HADH: variants seen among roughly 807,000 people sequenced by gnomAD.
The protein encoded by HADH is hydroxyacyl-coenzyme A dehydrogenase, mitochondrial.
HADH carries 24 observed loss-of-function variants against 32.2 expected under a neutral mutation model. The ratio of observed to expected loss-of-function variants is 0.75; its 90% CI spans 0.54 to 1.05. The LOEUF (loss-of-function observed/expected upper bound fraction) is 1.05, where lower values mean the gene tolerates loss of function less well. Ranked by LOEUF, HADH falls within the 50% of genes least tolerant of loss-of-function variation. The pLI is 0.00. For synonymous variants in HADH, 139 were observed against 152.5 expected (o/e 0.91, Z 0.65); for missense variants, 350 against 397.1 (o/e 0.88, Z 1.01).
At chr4:108,020,510 C>CAA (rs549621971) in intron 4 of HADH, among the ~76,000 whole-genome samples, 1 of 152,114 alleles carries the variant, frequency 6.6e-6, no homozygotes, top group Non-Finnish European at 1.5e-5. Flanking sequence ...AAACCAGCTT[C>CAA]TGATAGCCTT....
chr4:108,002,093 G>A (rs1186840060), intron 1 of HADH, among the ~76,000 whole-genome samples: 2 of 152,124 alleles, frequency 1.3e-5, no homozygotes, highest in African/African-American at 4.8e-5. Context: ...CATTTAAAGG[G>A]GCTTGAGAGA....
intron 6 of HADH, chr4:108,032,200 C>G: frequency 1.7e-6 from 1 of 583,010 alleles, no homozygotes; most frequent in East Asian, 2.6e-5. Context: ...CTGTTGCAGA[C>G]TATTCTACTT....
chr4:107,997,157 T>G (rs930522105), intron 1 of HADH, among the ~76,000 whole-genome samples: 1 of 152,236 alleles, frequency 6.6e-6, no homozygotes, highest in Non-Finnish European at 1.5e-5. Flanking sequence ...CTGCAGCCTC[T>G]GAAGCACAGT....
intron 5 of HADH, 69 bp from the exon 6 acceptor site, chr4:108,027,619 G>T: frequency 1.0e-6 from 1 of 964,538 alleles, no homozygotes; most frequent in Non-Finnish European, 1.7e-6. Context: ...GGGGCAATTT[G>T]GTGACTTCAC....
At chr4:107,991,438 A>G (rs1298524728) in intron 1 of HADH, among the ~76,000 whole-genome samples, 1 of 151,776 alleles carries the variant, frequency 6.6e-6, no homozygotes, top group Non-Finnish European at 1.5e-5. Context: ...ATATATCTCA[A>G]TTTTCTTCTC....
At chr4:108,027,591 C>A in intron 5 of HADH, 97 bp from the exon 6 acceptor site, 1 of 811,250 alleles carries the variant, frequency 1.2e-6, no homozygotes, top group Non-Finnish European at 2.2e-6. Context: ...TGGGGGCAAA[C>A]ATGATCCAGG....
intron 3 of HADH, among the ~76,000 whole-genome samples, chr4:108,015,822 A>T (rs1486991384): frequency 6.6e-6 from 1 of 152,128 alleles, no homozygotes; most frequent in Non-Finnish European, 1.5e-5. Flanking sequence ...ACTGGCATCT[A>T]GAGGCTGCAG....
intron 1 of HADH, among the ~76,000 whole-genome samples, chr4:107,999,033 G>A (rs144776944): frequency 9.9e-5 from 15 of 152,232 alleles, no homozygotes; most frequent in East Asian, 7.7e-4. Context: ...AAATGCTTTC[G>A]CCAATCTCTT....
At chr4:108,004,460 G>T (rs531611873) in intron 1 of HADH, 16 of 368,820 alleles carry the variant, frequency 4.3e-5, no homozygotes, top group Middle Eastern at 9.4e-4. Flanking sequence ...CTGTACAAAG[G>T]CTTCCTTGCT....
chr4:108,006,495 A>T (rs1025532775), intron 1 of HADH, among the ~76,000 whole-genome samples: 1 of 152,172 alleles, frequency 6.6e-6, no homozygotes, highest in African/African-American at 2.4e-5. Flanking sequence ...AGTTGTTTCT[A>T]ATCTGTGCCA....
At chr4:108,021,880 T>C (rs1735896383) in intron 4 of HADH, among the ~76,000 whole-genome samples, 1 of 152,194 alleles carries the variant, frequency 6.6e-6, no homozygotes. Context: ...TTTCCATCCA[T>C]TCACTTCTCT....
At position 108,033,289 on chromosome 4, in the gene HADH, G is replaced by A. The variant is rs150766162; in HGVS notation, c.823G>A (p.Asp275Asn). The change falls in exon 7 of 8, where the codon GAT becomes AAT. Residue 275 changes from aspartate (D) to asparagine (N), a missense_variant. Transcript: ENST00000309522. Reference sequence around the variant, plus strand: ...ACTGGATACTACGAAGTTCATCGTGGATGGTAGGAATTGGAATTTTTTGTT... The same window carrying A: ...ACTGGATACTACGAAGTTCATCGTGAATGGTAGGAATTGGAATTTTTTGTT... ...VGLDTTKFIVDGWHEMDAENP... is the reference protein window; with the variant it reads ...VGLDTTKFIVNGWHEMDAENP... The A allele has an allele frequency of 6.1e-5, 90 of 1,477,046 alleles. No individual in the cohort carries two copies. The highest frequency in any genetic ancestry group is 8.2e-5 in the Non-Finnish European group (87 of 1,055,054). 91.5% of individuals were successfully genotyped at this position (1,477,046 alleles called of 1,614,324 possible).
intron 3 of HADH, among the ~76,000 whole-genome samples, chr4:108,017,469 A>G (rs924699103): frequency 6.6e-6 from 1 of 152,132 alleles, no homozygotes; most frequent in African/African-American, 2.4e-5. Context: ...CATTTAAGAG[A>G]AAAGTAGTTT....
chr4:108,020,749 C>A (rs781658549), intron 4 of HADH, among the ~76,000 whole-genome samples: 5 of 152,098 alleles, frequency 3.3e-5, no homozygotes, highest in Admixed American at 6.6e-5. Context: ...TATTGCCCTG[C>A]GAAGTGTGGG....
chr4:108,004,643 G>T (rs1735231498), intron 1 of HADH: 2 of 1,511,462 alleles, frequency 1.3e-6, no homozygotes, highest in East Asian at 5.1e-5. Flanking sequence ...CCATAACCAT[G>T]AACTTCCATA....
intron 2 of HADH, among the ~76,000 whole-genome samples, chr4:108,011,460 T>G (rs896359687): frequency 3.3e-5 from 5 of 152,116 alleles, no homozygotes; most frequent in African/African-American, 1.2e-4. Flanking sequence ...TACCCCCCAC[T>G]GGGCCCCTCC....
At chr4:108,032,177 T>C in intron 6 of HADH, 1 of 522,560 alleles carries the variant, frequency 1.9e-6, no homozygotes, top group Admixed American at 2.8e-5. Context: ...GGAACAAAAT[T>C]CTAGATAGCC....
At chr4:108,033,012 C>T in intron 6 of HADH, 164 bp from the exon 7 acceptor site, 1 of 694,614 alleles carries the variant, frequency 1.4e-6, no homozygotes, top group Non-Finnish European at 2.6e-6. Context: ...ACCTCTTTGG[C>T]ATGTACTTTA....
chr4:107,992,193 T>G (rs1734836515), intron 1 of HADH, among the ~76,000 whole-genome samples: 1 of 152,044 alleles, frequency 6.6e-6, no homozygotes, highest in African/African-American at 2.4e-5. Context: ...CTTTTGAAAC[T>G]TAAGGGAAAA....
Sources: gnomAD v4.1 joint callset for allele counts (sites outside exome capture counted in the v4.1 genomes callset) on GRCh38, gnomAD v4.1.1 for gene constraint, MANE v1.5 for transcripts, NCBI Gene and HGNC (gene_info 2026-07-23, HGNC 2026-07-21) for gene names.